Variants in MIF4GD observed in about 807,000 individuals in gnomAD.
MIF4GD encodes the protein MIF4G domain containing, also known as MIF4G domain-containing protein.
MIF4GD carries 22 observed loss-of-function variants against 26.7 expected under a neutral mutation model. The ratio of observed to expected loss-of-function variants is 0.82; its 90% CI spans 0.59 to 1.18. The LOEUF (loss-of-function observed/expected upper bound fraction) is 1.18. Ranked by LOEUF, MIF4GD falls within the 50% of genes most tolerant of loss-of-function variation. The pLI is 0.00. For synonymous variants in MIF4GD, 137 were observed against 111.6 expected, an observed-to-expected ratio of 1.23 and a Z score of -1.43; for missense variants, 262 against 279.6, an observed-to-expected ratio of 0.94 and a Z score of 0.45.
intron 2 of MIF4GD, among the ~76,000 whole-genome samples, chr17:75,268,689 GAAAAAAAT>G (rs1229125944): frequency 5.8e-5 from 8 of 138,394 alleles, no homozygotes; most frequent in Non-Finnish European, 1.3e-4. Context: ...AAAAAAAAAA[GAAAAAAAT>G]AAAAGAAATC....
chr17:75,266,979 A>C lies in MIF4GD; in HGVS notation c.442-12T>G, dbSNP rs1273892100. On this transcript the variant is annotated splice_polypyrimidine_tract_variant and intron_variant, in intron 5 of 5. Coordinates refer to ENST00000325102, the MANE Select transcript of MIF4GD (RefSeq NM_001370592.1). ...ACCAAACAGTCCACCTGCAGGCGACAGTGTGGGTAACACAAGTGAACTGGG... is the reference window on the plus strand; with the variant it reads ...ACCAAACAGTCCACCTGCAGGCGACCGTGTGGGTAACACAAGTGAACTGGG... The C allele has an allele frequency of 1.2e-6, 2 of 1,609,476 alleles. No individual in the cohort carries two copies. The highest frequency in any genetic ancestry group is 2.7e-5 in the African/African-American group (2 of 74,754).
rs1486044214 is a variant in MIF4GD at position 75,270,035 on chromosome 17, A to G, written c.82+79T>C. On this transcript the variant is annotated intron_variant, in intron 2 of 5. Coordinates refer to ENST00000325102, the MANE Select transcript of MIF4GD (RefSeq NM_001370592.1). The surrounding 1 kb of genome is among the most constrained non-coding windows in gnomAD (Gnocchi z 5.7). ...GAGGGGAGGGGTGGAGGCATTCACCAGGCTCAGCCTCTGGTGCTGCCCACA... is the reference window on the plus strand; with the variant it reads ...GAGGGGAGGGGTGGAGGCATTCACCGGGCTCAGCCTCTGGTGCTGCCCACA... 1.6e-6 allele frequency: 2 copies of G among 1,232,934 alleles called. No individual in the cohort carries two copies. Among genetic ancestry groups the G allele is most frequent in the African/African-American group, 3.0e-5 (2 of 66,604 alleles). 76.4% of individuals were successfully genotyped at this position (1,232,934 alleles called of 1,614,324 possible). A position where few individuals can be genotyped will look rare whatever the true frequency, so the allele number is the denominator to read the frequency against.
chr17:75,266,275 T>C lies in MIF4GD; in HGVS notation c.*465A>G, dbSNP rs1598150875. ...TTAGAAAATTCTCACGCTGAACTGG[T>C]GTAGCATGTGGTGCAGCATTCAGTG... On this transcript the variant is annotated 3_prime_UTR_variant, in exon 6 of 6. Transcript: ENST00000325102. 2.6e-6 allele frequency: 1 copy of C among 380,114 alleles called. No individual in the cohort carries two copies. The highest frequency in any genetic ancestry group is 2.6e-5 in the South Asian group (1 of 38,984). 23.5% of individuals were successfully genotyped at this position (380,114 alleles called of 1,614,324 possible).
chr17:75,267,089 C>CGGTA (rs2077514734), intron 5 of MIF4GD, 122 bp from the exon 6 acceptor site: 1 of 789,494 alleles, frequency 1.3e-6, no homozygotes, highest in South Asian at 1.6e-5. Flanking sequence ...CCCTCCTTAC[C>CGGTA]ATCCAGTGGG....
Position 75,267,666 on chromosome 17 carries a change from A to C in MIF4GD, c.349-36T>G, listed in dbSNP as rs1488667712. 2.5e-6 allele frequency: 4 copies of C among 1,613,776 alleles called. No individual in the cohort carries two copies. The African/African-American group carries it at 5.3e-5, about 22-fold the overall frequency. ...GAGGAGGGGTCAGAGCACCAGGCTTAGTGGCCAAGGGGAGCAGTCCAACCT... is the reference window on the plus strand; with the variant it reads ...GAGGAGGGGTCAGAGCACCAGGCTTCGTGGCCAAGGGGAGCAGTCCAACCT... On this transcript the variant is annotated intron_variant, in intron 4 of 5. Coordinates refer to ENST00000325102, the MANE Select transcript of MIF4GD (RefSeq NM_001370592.1).
rs766415514 is a variant in MIF4GD, at chr17:75,267,548, T to G, written c.431A>C (p.Lys144Thr). The change falls in exon 5 of 6, where the codon AAG (lysine) becomes ACG (threonine). Residue 144 changes from lysine to threonine, a missense_variant. Lys to Thr is a moderately conservative substitution (Grantham distance 78). Transcript: ENST00000325102. ...GCTGGGGCCACCCACCTCCTCCTCC[T>G]TGCTCAAACTGTCTGGCTGGGCCAG... is the stretch of plus-strand genomic sequence containing the variant. ...FRLAQPDSLS[K>T]EEEVDCLVLQ... is the part of the protein sequence containing the mutation. 6 of 1,614,010 alleles carry G rather than the reference T, an allele frequency of 3.7e-6. No homozygotes were observed. In the East Asian group the frequency reaches 1.3e-4, roughly 36 times the overall value.
Position 75,270,352 on chromosome 17 carries a change from G to C in MIF4GD, c.-50-107C>G. On this transcript the variant is annotated intron_variant, in intron 1 of 5. Transcript: ENST00000325102. This position sits in a 1 kb window ranked among gnomAD's most constrained non-coding sequence, Gnocchi z 5.7. ...CGGCGCGCTCGGGACAGGGACTCCT[G>C]GGCGGTCCGTGGCGTGCGGTGGTTG... 1 of 649,472 alleles carries C rather than the reference G, an allele frequency of 1.5e-6. No homozygotes were observed. The highest frequency in any genetic ancestry group is 2.7e-6 in the Non-Finnish European group (1 of 367,722). 40.2% of individuals were successfully genotyped at this position (649,472 alleles called of 1,614,324 possible). A position where few individuals can be genotyped will look rare whatever the true frequency, so the allele number is the denominator to read the frequency against.
chr17:75,266,962 G>T lies in MIF4GD; in HGVS notation c.447C>A (p.Asp149Glu). 1 of 1,613,430 alleles carries T rather than the reference G, an allele frequency of 6.2e-7. No individual in the cohort carries two copies. Among genetic ancestry groups the T allele is most frequent in the Non-Finnish European group, 8.5e-7 (1 of 1,179,790 alleles). Residue 149 changes from aspartate to glutamate, a missense_variant, in exon 6 of 6, where the codon GAC becomes GAA. Asp to Glu is a conservative substitution (Grantham distance 45). Coordinates refer to ENST00000325102, the MANE Select transcript of MIF4GD (RefSeq NM_001370592.1). ...CCCGGTGCAGCTGCAGCACCAAACAGTCCACCTGCAGGCGACAGTGTGGGT... is the reference window on the plus strand; with the variant it reads ...CCCGGTGCAGCTGCAGCACCAAACATTCCACCTGCAGGCGACAGTGTGGGT... Reference protein sequence around the residue: ...PDSLSKEEEVDCLVLQLHRVG... With the variant: ...PDSLSKEEEVECLVLQLHRVG...
At chr17:75,267,939 G>C (rs372046043) in intron 3 of MIF4GD, 38 bp from the exon 4 acceptor site, 106 of 1,601,502 alleles carry the variant, frequency 6.6e-5, no homozygotes, top group Non-Finnish European at 8.9e-5. Flanking sequence ...GGTGGGGGGC[G>C]GTGCCCCTGT....
At chr17:75,269,336 T>A (rs2077623720) in intron 2 of MIF4GD, 1 of 1,612,914 alleles carries the variant, frequency 6.2e-7, no homozygotes, top group African/African-American at 1.3e-5. Context: ...AATTATTAGT[T>A]GAAGACAAAC....
rs756451507 is a variant in MIF4GD at position 75,266,693 on chromosome 17, G to A, written c.*47C>T. ...AGACTCCACTGCCAGCTTTAGAGGT[G>A]GGTAGAAGAAAGGCCAGTGCTGGTG... On this transcript the variant is annotated 3_prime_UTR_variant, in exon 6 of 6. Transcript: ENST00000325102. The A allele has an allele frequency of 1.3e-6, 2 of 1,562,304 alleles. No individual in the cohort carries two copies. The highest frequency in any genetic ancestry group is 1.4e-5 in the African/African-American group (1 of 73,864).
In MIF4GD at chr17:75,267,595, AG is replaced by A. The variant is rs749014277; in HGVS notation, c.383del (p.Pro128LeufsTer15). The A allele has an allele frequency of 7.4e-6, 12 of 1,614,218 alleles. No individual in the cohort carries two copies. The highest frequency in any genetic ancestry group is 2.2e-5 in the East Asian group (1 of 44,882). ...CCAGCCGGAAGAGGCAGTCATAGAC[AG>A]GGTTCACCAGGGCCATCATGGGCAT... The part of the protein sequence containing the change: ...NNMPMMALVN[P>X]VYDCLFRLAQ... On this transcript the variant is annotated frameshift_variant, in exon 5 of 6. Coordinates refer to ENST00000325102, the MANE Select transcript of MIF4GD (RefSeq NM_001370592.1). LOFTEE classifies it high-confidence loss of function.
rs781378828 is a variant in MIF4GD at position 75,270,221 on chromosome 17, A to G, written c.-26T>C. 1 of 1,593,850 alleles carries G rather than the reference A, an allele frequency of 6.3e-7. No homozygotes were observed. The highest frequency in any genetic ancestry group is 1.3e-5 in the African/African-American group (1 of 74,612). On this transcript the variant is annotated 5_prime_UTR_variant, in exon 2 of 6. Coordinates refer to ENST00000325102, the MANE Select transcript of MIF4GD (RefSeq NM_001370592.1). The surrounding 1 kb of genome is among the most constrained non-coding windows in gnomAD (Gnocchi z 5.7). ...GACTAGCCAGCCCCGGTAGCTCTTGACTGGGCTGGGAATAAGGACAGCACC... is the reference window on the plus strand; with the variant it reads ...GACTAGCCAGCCCCGGTAGCTCTTGGCTGGGCTGGGAATAAGGACAGCACC...
At position 75,269,573 on chromosome 17, in the gene MIF4GD, T is replaced by C. The variant is rs1334669439; in HGVS notation, c.82+541A>G. The C allele has an allele frequency of 1.6e-4, 54 of 340,506 alleles. 2 individuals are homozygous for C. The highest frequency in any genetic ancestry group is 1.5e-3 in the South Asian group (51 of 34,708). The allele number at this position is 340,506 out of a possible 1,614,324, so 21.1% of individuals were successfully genotyped here. A position where few individuals can be genotyped will look rare whatever the true frequency, so the allele number is the denominator to read the frequency against. ...CTTTTTTTTTTTTTTTTTTTTTTTT[T>C]TTTTTGAGACAGGGTCTCGCTCTGT... On this transcript the variant is annotated intron_variant, in intron 2 of 5. Transcript: ENST00000325102.
chr17:75,266,459 A>G lies in MIF4GD; in HGVS notation c.*281T>C. On this transcript the variant is annotated 3_prime_UTR_variant, in exon 6 of 6. Transcript: ENST00000325102. ...ACCCATTTTACAGATGGGTAAACTG[A>G]GGCACCAAGGTAGTAGTTGCACTAA... 1 of 507,180 alleles carries G rather than the reference A, an allele frequency of 2.0e-6. No homozygotes were observed. Among genetic ancestry groups the G allele is most frequent in the Admixed American group, 3.2e-5 (1 of 30,792 alleles). The allele number at this position is 507,180 out of a possible 1,614,324, so 31.4% of individuals were successfully genotyped here. A position where few individuals can be genotyped will look rare whatever the true frequency, so the allele number is the denominator to read the frequency against.
At position 75,266,274 on chromosome 17, in the gene MIF4GD, G is replaced by T. The variant is rs2077482547; in HGVS notation, c.*466C>A. The T allele has an allele frequency of 7.9e-6, 3 of 380,380 alleles. No individual in the cohort carries two copies. The highest frequency in any genetic ancestry group is 7.7e-5 in the South Asian group (3 of 38,982). 23.6% of individuals were successfully genotyped at this position (380,380 alleles called of 1,614,324 possible). A position where few individuals can be genotyped will look rare whatever the true frequency, so the allele number is the denominator to read the frequency against. ...ATTAGAAAATTCTCACGCTGAACTG[G>T]TGTAGCATGTGGTGCAGCATTCAGT... On this transcript the variant is annotated 3_prime_UTR_variant, in exon 6 of 6. Coordinates refer to ENST00000325102, the MANE Select transcript of MIF4GD (RefSeq NM_001370592.1).
At chr17:75,269,462 A>AGACG in intron 2 of MIF4GD, 1 of 1,611,290 alleles carries the variant, frequency 6.2e-7, no homozygotes, top group Non-Finnish European at 8.5e-7. Flanking sequence ...TGCATTCAAG[A>AGACG]GACGGGGCTA....
chr17:75,267,863 A>T lies in MIF4GD; in HGVS notation c.231T>A (p.Arg77=), dbSNP rs200606186. Residue 77 remains arginine (R), a synonymous_variant, in exon 4 of 6, where the codon CGT becomes CGA. Coordinates refer to ENST00000325102, the MANE Select transcript of MIF4GD (RefSeq NM_001370592.1). ...SKQAGQSVFR[R]GLLNRLQQEY... is the part of the protein sequence containing the mutation. ...CCTGCTGCAGCCGGTTGAGGAGTCC[A>T]CGTCGGAAGACACTCTGGCCTGCTT... is the stretch of plus-strand genomic sequence containing the variant. 9 of 1,613,772 alleles carry T rather than the reference A, an allele frequency of 5.6e-6. No individual in the cohort carries two copies. In the South Asian group the frequency reaches 8.8e-5, roughly 16 times the overall value.
In MIF4GD at chr17:75,266,756, C is replaced by T. The variant is rs765835897; in HGVS notation, c.653G>A (p.Ser218Asn). Residue 218 changes from serine (S) to asparagine (N), a missense_variant, in exon 6 of 6, where the codon AGC becomes AAC. Ser to Asn is a conservative substitution (Grantham distance 46, BLOSUM62 1). Transcript: ENST00000325102. ...TCTGGAGGCCTAGTCGGAGACTTCG[C>T]TGTAGTAATACTTGTGGGCAGCTGG... Reference protein sequence around the residue: ...TTPAAHKYYYSEVSD With the variant: ...TTPAAHKYYYNEVSD 1.2e-6 allele frequency: 2 copies of T among 1,614,218 alleles called. No homozygotes were observed. Among genetic ancestry groups the T allele is most frequent in the Non-Finnish European group, 1.7e-6 (2 of 1,180,040 alleles).
Sources: gnomAD v4.1 joint callset for allele counts (sites outside exome capture counted in the v4.1 genomes callset) on GRCh38, gnomAD v4.1.1 for gene constraint, Gnocchi (gnomAD v3.1) non-coding constraint, MANE v1.5 for transcripts, NCBI Gene and HGNC (gene_info 2026-07-23, HGNC 2026-07-21) for gene names.